Variants in PAM observed in about 807,000 individuals in gnomAD.
PAM encodes peptidyl-glycine alpha-amidating monooxygenase.
In PAM, 72 loss-of-function variants were observed where a neutral mutation model predicts 122.1. The ratio of observed to expected loss-of-function variants is 0.59; its 90% confidence interval spans 0.49 to 0.72. The LOEUF (loss-of-function observed/expected upper bound fraction) is 0.72, where lower values mean the gene tolerates loss of function less well. PAM is among the 30% of genes least tolerant of loss of function. The probability of loss-of-function intolerance (pLI) is 0.00; values close to 1 mark genes in which losing one functional copy is unlikely to be tolerated. For missense variants in PAM, 1,106 were observed against 1,183.7 expected, an observed-to-expected ratio of 0.93 and a Z score of 0.96; for synonymous variants, 389 against 404.4, an observed-to-expected ratio of 0.96 and a Z score of 0.46.
chr5:102,884,103 G>A (rs1447036889), intron 3 of PAM, among the ~76,000 whole-genome samples: 4 of 151,798 alleles, frequency 2.6e-5, no homozygotes, highest in Non-Finnish European at 5.9e-5. Context: ...AAACTAGCAA[G>A]GAGTAAGTTA....
intron 7 of PAM, among the ~76,000 whole-genome samples, chr5:102,940,350 C>A (rs990450328): frequency 2.7e-5 from 4 of 150,932 alleles, no homozygotes; most frequent in African/African-American, 9.7e-5. Flanking sequence ...TAGACTTTTG[C>A]AGCTACATTC....
At chr5:102,939,931 T>G (rs1156860584) in intron 7 of PAM, among the ~76,000 whole-genome samples, 1 of 151,982 alleles carries the variant, frequency 6.6e-6, no homozygotes. Context: ...AATTATAGCT[T>G]TTGGAGAATA....
At chr5:102,803,187 AAGGAAGGAAGGAAGGAAGGAAAGAAG>A (rs1765309407) in intron 1 of PAM, among the ~76,000 whole-genome samples, 1 of 51,940 alleles carries the variant, frequency 1.9e-5, no homozygotes, top group African/African-American at 5.8e-5. Flanking sequence ...GGAAGGAAGG[AAGGAAGGAAGGAAGGAAGGAAAGAAG>A]GAAGGAAGGA....
chr5:102,951,172 G>A (rs116440179), intron 12 of PAM, among the ~76,000 whole-genome samples: 277 of 151,886 alleles, frequency 1.8e-3, no homozygotes, highest in African/African-American at 6.2e-3. Flanking sequence ...CTGTGTTCAC[G>A]GGGTCTACAT....
At chr5:102,981,548 C>CTTTAG (rs139608288) in intron 15 of PAM, among the ~76,000 whole-genome samples, 8,976 of 152,208 alleles carry the variant, frequency 0.059, 871 homozygotes, top group African/African-American at 0.21. Context: ...AAAACATAGA[C>CTTTAG]TTTAATGCAT....
intron 24 of PAM, among the ~76,000 whole-genome samples, chr5:103,025,959 T>A (rs1384669902): frequency 6.6e-6 from 1 of 152,146 alleles, no homozygotes; most frequent in African/African-American, 2.4e-5. Flanking sequence ...ACAAAAGGCA[T>A]AAGAAGTTAT....
At chr5:103,014,930 C>T (rs1326260762) in intron 21 of PAM, among the ~76,000 whole-genome samples, 2 of 152,026 alleles carry the variant, frequency 1.3e-5, no homozygotes, top group African/African-American at 2.4e-5. Context: ...TATTTTTTGT[C>T]GTCTTCTGTG....
At chr5:102,904,331 A>C (rs780755517) in intron 4 of PAM, among the ~76,000 whole-genome samples, 1 of 151,588 alleles carries the variant, frequency 6.6e-6, no homozygotes, top group East Asian at 2.0e-4. Context: ...ACACTTAATG[A>C]TTTTATACCT....
At chr5:102,783,529 AG>A (rs1759614458) in intron 1 of PAM, among the ~76,000 whole-genome samples, 1 of 152,192 alleles carries the variant, frequency 6.6e-6, no homozygotes, top group Admixed American at 6.5e-5. Context: ...CCGTAAGACA[AG>A]GTTCATAGTA....
intron 3 of PAM, among the ~76,000 whole-genome samples, chr5:102,884,697 T>G (rs1792393908): frequency 6.6e-6 from 1 of 151,910 alleles, no homozygotes; most frequent in Non-Finnish European, 1.5e-5. Context: ...ACATGAATGT[T>G]GCATTCTTTA....
intron 1 of PAM, among the ~76,000 whole-genome samples, chr5:102,799,909 G>T (rs1246697384): frequency 6.6e-6 from 1 of 152,212 alleles, no homozygotes; most frequent in African/African-American, 2.4e-5. Context: ...AGGATGGAGA[G>T]ATTGGTTATC....
rs1235174616 is a variant in PAM, at chr5:102,990,394, G to T, written c.1606G>T (p.Asp536Tyr). ...VIFHRGDHVW[D>Y]GNSFDSKFVY... ...TTTCCACAGAGGTGACCATGTCTGG[G>T]ATGGAAAGTAAGTAATATTTTTTCT... The change falls in exon 16 of 26, where the codon GAT becomes TAT. Residue 536 changes from aspartate to tyrosine, a missense_variant. Coordinates refer to ENST00000438793, the MANE Select transcript of PAM (RefSeq NM_001177306.2). The T allele has an allele frequency of 6.3e-7, 1 of 1,588,104 alleles. No individual in the cohort carries two copies. Among genetic ancestry groups the T allele is most frequent in the East Asian group, 2.2e-5 (1 of 44,512 alleles).
At chr5:103,005,932 T>C (rs370148668) in intron 18 of PAM, among the ~76,000 whole-genome samples, 3 of 145,304 alleles carry the variant, frequency 2.1e-5, no homozygotes, top group East Asian at 1.9e-4. Flanking sequence ...GTTGTTGTTG[T>C]TGCTGTTGTT....
intron 1 of PAM, among the ~76,000 whole-genome samples, chr5:102,850,720 C>A (rs753665590): frequency 6.6e-6 from 1 of 152,018 alleles, no homozygotes; most frequent in Non-Finnish European, 1.5e-5. Context: ...CGCGGGTAGT[C>A]GAGGGGGCGG....
At chr5:102,804,725 A>T (rs2150128931) in intron 1 of PAM, among the ~76,000 whole-genome samples, 1 of 152,324 alleles carries the variant, frequency 6.6e-6, no homozygotes, top group South Asian at 2.1e-4. Flanking sequence ...GCTAAGCTGT[A>T]TCAGGATTAG....
At chr5:102,854,077 A>T (rs909567708) in intron 1 of PAM, among the ~76,000 whole-genome samples, 1 of 152,204 alleles carries the variant, frequency 6.6e-6, no homozygotes, top group African/African-American at 2.4e-5. Context: ...TACTGCTGGC[A>T]ACATGATGTG....
intron 1 of PAM, among the ~76,000 whole-genome samples, chr5:102,807,750 T>G (rs1236190495): frequency 6.6e-6 from 1 of 152,214 alleles, no homozygotes; most frequent in Non-Finnish European, 1.5e-5. Context: ...TGTGACAGTG[T>G]TAATGCTAGC....
intron 1 of PAM, among the ~76,000 whole-genome samples, chr5:102,767,287 C>T (rs1480021958): frequency 3.3e-5 from 5 of 151,894 alleles, no homozygotes; most frequent in Admixed American, 6.6e-5. Context: ...ACATTTTGAA[C>T]GGTTGATGTT....
intron 15 of PAM, among the ~76,000 whole-genome samples, chr5:102,984,564 A>G (rs1442160721): frequency 6.6e-6 from 1 of 152,200 alleles, no homozygotes; most frequent in Non-Finnish European, 1.5e-5. Context: ...ATATATGCAT[A>G]TGCGTCACTG....
Sources: gnomAD v4.1 joint callset for allele counts (sites outside exome capture counted in the v4.1 genomes callset) on GRCh38, gnomAD v4.1.1 for gene constraint, MANE v1.5 for transcripts, NCBI Gene and HGNC (gene_info 2026-07-23, HGNC 2026-07-21) for gene names.